Variants in LRRIQ1 observed in about 807,000 individuals in gnomAD.
LRRIQ1 encodes leucine rich repeats and IQ motif containing 1, also known as leucine-rich repeat- and IQ domain-containing protein 1.
Under a neutral mutation model 211.9 loss-of-function variants are expected in LRRIQ1, and 210 were observed. That is an observed-to-expected ratio of 0.99 (90% confidence interval 0.89 to 1.11). The LOEUF (loss-of-function observed/expected upper bound fraction) is 1.11, where lower values mean the gene tolerates loss of function less well. LRRIQ1 is among the 50% of genes most tolerant of loss of function. The pLI is 0.00. For synonymous variants in LRRIQ1, 699 were observed against 650.1 expected (o/e 1.08, Z -1.14); for missense variants, 2,136 against 1,939.5 (o/e 1.10, Z -1.90).
chr12:85,187,838 G>C (rs1448995006), intron 24 of LRRIQ1, among the ~76,000 whole-genome samples: 1 of 149,924 alleles, frequency 6.7e-6, no homozygotes, highest in African/African-American at 2.5e-5. Flanking sequence ...AAAGAAAATA[G>C]GTCTGATCTT....
chr12:85,146,684 CTT>C (rs2136627731), intron 19 of LRRIQ1, among the ~76,000 whole-genome samples: 1 of 151,886 alleles, frequency 6.6e-6, no homozygotes, highest in East Asian at 2.0e-4. Flanking sequence ...ATAGTTATAA[CTT>C]CACCATTTTT....
intron 7 of LRRIQ1, among the ~76,000 whole-genome samples, chr12:85,053,870 G>C (rs1880640126): frequency 6.6e-6 from 1 of 152,132 alleles, no homozygotes; most frequent in African/African-American, 2.4e-5. Context: ...ACTGCGCCCA[G>C]CTAATTTTTT....
At chr12:85,167,287 G>A (rs951128735) in intron 24 of LRRIQ1, among the ~76,000 whole-genome samples, 1 of 152,268 alleles carries the variant, frequency 6.6e-6, no homozygotes, top group South Asian at 2.1e-4. Flanking sequence ...TAGGATAGAT[G>A]TATATATAAA....
rs1894912494 is a variant in LRRIQ1 at position 85,231,009 on chromosome 12, C to T, written c.4955+1360C>T. Among the ~76,000 whole-genome samples the T allele has an allele frequency of 1.3e-5, 2 of 151,792 alleles. 1 individual carries two copies. The highest frequency in any genetic ancestry group is 4.1e-4 in the South Asian group (2 of 4,826). ...CTTGCAATGAGCCGAGATCGTGCCA[C>T]TGCACTCCAGCCTGGGCGACAGAGC... On this transcript the variant is annotated intron_variant, in intron 25 of 26. Coordinates refer to ENST00000393217, the MANE Select transcript of LRRIQ1 (RefSeq NM_001079910.2).
At position 85,218,243 on chromosome 12, in the gene LRRIQ1, C is replaced by T. The variant is rs1309781958; in HGVS notation, c.4823-11274C>T. 2.0e-5 allele frequency among the ~76,000 whole-genome samples: 3 copies of T among 151,770 alleles called. No homozygotes were observed. In the East Asian group the frequency reaches 5.8e-4, roughly 29 times the overall value. On this transcript the variant is annotated intron_variant, in intron 24 of 26. Coordinates refer to ENST00000393217, the MANE Select transcript of LRRIQ1 (RefSeq NM_001079910.2). ...AAGGAGTACTTCCTGGACTTACCCCCTAGACAATTTTTCTGGCTAGTTTTG... is the reference window on the plus strand; with the variant it reads ...AAGGAGTACTTCCTGGACTTACCCCTTAGACAATTTTTCTGGCTAGTTTTG...
intron 19 of LRRIQ1, among the ~76,000 whole-genome samples, chr12:85,142,546 A>G (rs1889613977): frequency 6.6e-6 from 1 of 151,484 alleles, no homozygotes; most frequent in South Asian, 2.1e-4. Context: ...TGCATAACAG[A>G]TCTTTTGAAC....
chr12:85,223,299 G>A (rs1894488164), intron 24 of LRRIQ1, among the ~76,000 whole-genome samples: 1 of 152,050 alleles, frequency 6.6e-6, no homozygotes, highest in Admixed American at 6.6e-5. Context: ...GTAAAATTGG[G>A]AGCACCAACA....
intron 6 of LRRIQ1, among the ~76,000 whole-genome samples, chr12:85,049,066 A>G (rs1025721721): frequency 1.3e-5 from 2 of 152,236 alleles, no homozygotes; most frequent in Admixed American, 6.5e-5. Context: ...AGGAAATGCA[A>G]TAATATTAGG....
intron 24 of LRRIQ1, among the ~76,000 whole-genome samples, chr12:85,215,388 G>A (rs536395118): frequency 2.6e-5 from 4 of 152,046 alleles, no homozygotes; most frequent in Non-Finnish European, 2.9e-5. Flanking sequence ...TACGTGTGCC[G>A]GTTTGTTACA....
At chr12:85,196,840 A>G (rs1428761720) in intron 24 of LRRIQ1, among the ~76,000 whole-genome samples, 2 of 152,150 alleles carry the variant, frequency 1.3e-5, no homozygotes, top group Non-Finnish European at 2.9e-5. Flanking sequence ...ATCTAATTAA[A>G]CTAAAGAGCT....
At chr12:85,241,873 CTT>C (rs1322731824) in intron 26 of LRRIQ1, among the ~76,000 whole-genome samples, 1 of 151,946 alleles carries the variant, frequency 6.6e-6, no homozygotes, top group African/African-American at 2.4e-5. Flanking sequence ...GGAAATCCCT[CTT>C]GTTTAATATA....
rs1442295904 is a variant in LRRIQ1, at chr12:85,127,942, C to T, written c.4118C>T (p.Ser1373Phe). 1.2e-6 allele frequency: 2 copies of T among 1,613,152 alleles called. No homozygotes were observed. Among genetic ancestry groups the T allele is most frequent in the Non-Finnish European group, 1.7e-6 (2 of 1,179,286 alleles). ...TAATEGLPNS[S>F]IKNQTILKKG... Reference sequence around the variant, plus strand: ...GCAACAGAAGGCCTGCCAAATTCTTCCATCAAGAATCAGACTATTTTAAAG... The same window carrying T: ...GCAACAGAAGGCCTGCCAAATTCTTTCATCAAGAATCAGACTATTTTAAAG... The change falls in exon 18 of 27, where the codon TCC becomes TTC. Residue 1373 changes from serine (S) to phenylalanine (F), a missense_variant. By Grantham distance (155) the Ser-to-Phe change is radical. Transcript: ENST00000393217.
At chr12:85,160,810 T>C (rs1890823706) in intron 24 of LRRIQ1, 96 bp downstream of exon 24, 2 of 536,446 alleles carry the variant, frequency 3.7e-6, no homozygotes, top group Non-Finnish European at 2.9e-6. Flanking sequence ...AATCATAAAG[T>C]ATATATATAA....
Position 85,138,719 on chromosome 12 carries a change from G to A in LRRIQ1, c.4329+750G>A, listed in dbSNP as rs1204513457. On this transcript the variant is annotated intron_variant, in intron 19 of 26. Transcript: ENST00000393217. ...TATAAAACAGAAATTTTTAAATGCTGTAATTCCATAATTTAAAAACACTTA... is the reference window on the plus strand; with the variant it reads ...TATAAAACAGAAATTTTTAAATGCTATAATTCCATAATTTAAAAACACTTA... Among the ~76,000 whole-genome samples the A allele has an allele frequency of 3.3e-5, 5 of 151,400 alleles. No individual in the cohort carries two copies. The Admixed American group carries it at 3.3e-4, about 10-fold the overall frequency.
intron 24 of LRRIQ1, among the ~76,000 whole-genome samples, chr12:85,206,820 GA>G (rs1893575358): frequency 6.6e-6 from 1 of 152,094 alleles, no homozygotes; most frequent in African/African-American, 2.4e-5. Flanking sequence ...GAGGCCGGCA[GA>G]CAGAGGGGAA....
At chr12:85,148,353 A>G (rs1300563928) in intron 19 of LRRIQ1, among the ~76,000 whole-genome samples, 1 of 151,698 alleles carries the variant, frequency 6.6e-6, no homozygotes, top group African/African-American at 2.4e-5. Flanking sequence ...CCCTGTGTCC[A>G]TATGTTCTCA....
intron 25 of LRRIQ1, among the ~76,000 whole-genome samples, chr12:85,230,943 G>C (rs1894907467): frequency 6.6e-6 from 1 of 152,044 alleles, no homozygotes; most frequent in Non-Finnish European, 1.5e-5. Flanking sequence ...CAGCTACTCG[G>C]AGGCTGAGGC....
intron 24 of LRRIQ1, among the ~76,000 whole-genome samples, chr12:85,197,396 T>C (rs1214553083): frequency 2.0e-5 from 3 of 151,570 alleles, no homozygotes; most frequent in Admixed American, 1.3e-4. Context: ...TATTGCGGCA[T>C]TATTCACAAT....
intron 24 of LRRIQ1, among the ~76,000 whole-genome samples, chr12:85,180,530 G>A (rs558680770): frequency 3.9e-5 from 6 of 151,968 alleles, no homozygotes; most frequent in Middle Eastern, 3.4e-3. Flanking sequence ...TATGGAGCAA[G>A]ACAATTTAGG....
Sources: gnomAD v4.1 joint callset for allele counts (sites outside exome capture counted in the v4.1 genomes callset) on GRCh38, gnomAD v4.1.1 for gene constraint, MANE v1.5 for transcripts, NCBI Gene and HGNC (gene_info 2026-07-23, HGNC 2026-07-21) for gene names.